Variants in SLIT1 observed in about 807,000 individuals in gnomAD.
SLIT1 encodes the protein slit homolog 1 protein.
In SLIT1, 66 loss-of-function variants were observed where a neutral mutation model predicts 186.1. The observed-to-expected ratio is 0.35, with a 90% confidence interval of 0.29 to 0.44. SLIT1 has a LOEUF of 0.44. Among genes scored for constraint, SLIT1 ranks in the 20% least tolerant of loss-of-function variants. The pLI is 1.00. For missense variants in SLIT1, 1,638 were observed against 2,037.4 expected (o/e 0.80, Z 3.77); for synonymous variants, 761 against 833.8 (o/e 0.91, Z 1.50).
At chr10:97,145,094 T>A (rs1849802921) in intron 4 of SLIT1, among the ~76,000 whole-genome samples, 1 of 152,114 alleles carries the variant, frequency 6.6e-6, no homozygotes, top group African/African-American at 2.4e-5. Context: ...TGTGGGGGCA[T>A]GTACAGTATT....
intron 24 of SLIT1, 26 bp from the exon 25 acceptor site, chr10:97,030,854 C>T (rs2134608791): frequency 6.2e-7 from 1 of 1,604,796 alleles, no homozygotes; most frequent in Non-Finnish European, 8.5e-7. Flanking sequence ...GCTGCTGGTG[C>T]CTTATCCAGG....
chr10:97,079,511 A>G (rs975073653), intron 4 of SLIT1, among the ~76,000 whole-genome samples: 14 of 152,386 alleles, frequency 9.2e-5, no homozygotes, highest in Non-Finnish European at 1.8e-4. Flanking sequence ...AACAAATGCC[A>G]GTGCCCTCCC....
At chr10:97,085,356 T>C (rs1472469967) in intron 4 of SLIT1, among the ~76,000 whole-genome samples, 2 of 152,142 alleles carry the variant, frequency 1.3e-5, no homozygotes, top group Non-Finnish European at 2.9e-5. Context: ...TCCTAACTAC[T>C]GTACCCATGC....
In SLIT1 at chr10:97,053,594, T is replaced by A. The variant is rs151338318; in HGVS notation, c.1301+2727A>T. On this transcript the variant is annotated intron_variant, in intron 13 of 36. Coordinates refer to ENST00000266058, the MANE Select transcript of SLIT1 (RefSeq NM_003061.3). Reference sequence around the variant, plus strand: ...TGCCTGGCATAGACAGGGGCAGGGATTACAGCGACAACAATGGACACAATA... The same window carrying A: ...TGCCTGGCATAGACAGGGGCAGGGAATACAGCGACAACAATGGACACAATA... Among the ~76,000 whole-genome samples, 26 of 152,216 alleles carry A rather than the reference T, an allele frequency of 1.7e-4. No homozygotes were observed. The East Asian group carries it at 4.4e-3, about 26-fold the overall frequency.
chr10:97,104,220 AAGG>A (rs1298341493), intron 4 of SLIT1, among the ~76,000 whole-genome samples: 1 of 152,052 alleles, frequency 6.6e-6, no homozygotes, highest in Non-Finnish European at 1.5e-5. Flanking sequence ...TGTCTGGGAG[AAGG>A]AGTATTCTAG....
At chr10:97,066,603 C>T (rs1345796661) in intron 4 of SLIT1, among the ~76,000 whole-genome samples, 1 of 152,098 alleles carries the variant, frequency 6.6e-6, no homozygotes, top group African/African-American at 2.4e-5. Context: ...CTCCATTCTC[C>T]CTCTCCTTCA....
intron 4 of SLIT1, among the ~76,000 whole-genome samples, chr10:97,077,286 A>G (rs545460402): frequency 9.5e-4 from 145 of 151,954 alleles, no homozygotes; most frequent in Non-Finnish European, 1.9e-3. Flanking sequence ...AAAATCACAC[A>G]GGACAGGATA....
At chr10:97,158,930 G>A (rs1164627765) in intron 3 of SLIT1, among the ~76,000 whole-genome samples, 1 of 151,796 alleles carries the variant, frequency 6.6e-6, no homozygotes. Flanking sequence ...CCAACACTTG[G>A]GGAGGCTGAA....
chr10:97,082,154 C>T (rs111723995), intron 4 of SLIT1, among the ~76,000 whole-genome samples: 59 of 152,338 alleles, frequency 3.9e-4, no homozygotes, highest in African/African-American at 1.2e-3. Context: ...TCAGACCTCC[C>T]CGCTGCCTGC....
intron 13 of SLIT1, among the ~76,000 whole-genome samples, chr10:97,054,986 G>T (rs1848823704): frequency 6.6e-6 from 1 of 152,216 alleles, no homozygotes; most frequent in Admixed American, 6.5e-5. Context: ...GGGAGGCCGA[G>T]GCAGGTGGAT....
chr10:96,998,503 G>GGCTTCCCTT lies in SLIT1; in HGVS notation c.*2608_*2609insAAGGGAAGC. On this transcript the variant is annotated 3_prime_UTR_variant, in exon 37 of 37. Transcript: ENST00000266058. ...TGCCTAAAATGCAGAGCGAACTAGG[G>GGCTTCCCTT]GTCTTCACAAAGGGGGACAAGATGT... The GGCTTCCCTT allele has an allele frequency of 6.6e-6, 1 of 152,196 alleles. No individual in the cohort carries two copies. 9.4% of individuals were successfully genotyped at this position (152,196 alleles called of 1,614,324 possible).
intron 4 of SLIT1, among the ~76,000 whole-genome samples, chr10:97,119,913 G>GTA (rs55656011): frequency 0.015 from 833 of 56,456 alleles, 38 homozygotes; most frequent in East Asian, 0.042. Context: ...TTCCAAAGGG[G>GTA]TATATATATA....
intron 22 of SLIT1, among the ~76,000 whole-genome samples, chr10:97,035,492 GC>G (rs1253767151): frequency 1.3e-5 from 2 of 152,080 alleles, no homozygotes; most frequent in African/African-American, 4.8e-5. Flanking sequence ...CATCTGATCC[GC>G]CCCTGGCTGG....
At chr10:97,135,291 G>C (rs1849692026) in intron 4 of SLIT1, among the ~76,000 whole-genome samples, 2 of 152,030 alleles carry the variant, frequency 1.3e-5, no homozygotes, top group East Asian at 1.9e-4. Flanking sequence ...CATTTAACAT[G>C]GTTCTAAAAT....
intron 1 of SLIT1, among the ~76,000 whole-genome samples, chr10:97,179,762 T>C (rs1187146752): frequency 1.3e-5 from 2 of 151,220 alleles, no homozygotes; most frequent in Non-Finnish European, 2.9e-5. Context: ...GAGGGGGTCA[T>C]GAGCTCCGTC....
chr10:97,166,729 G>C (rs1258057154), intron 1 of SLIT1, among the ~76,000 whole-genome samples: 1 of 152,142 alleles, frequency 6.6e-6, no homozygotes, highest in Non-Finnish European at 1.5e-5. Context: ...TTCTAGGGTT[G>C]CTTCCACTAA....
At chr10:97,020,575 C>T (rs930687590) in intron 26 of SLIT1, among the ~76,000 whole-genome samples, 8 of 152,246 alleles carry the variant, frequency 5.3e-5, no homozygotes, top group African/African-American at 1.9e-4. Context: ...TCCTCATTAA[C>T]CTACAGCTGT....
chr10:97,130,406 T>C (rs1465593946), intron 4 of SLIT1, among the ~76,000 whole-genome samples: 3 of 152,240 alleles, frequency 2.0e-5, no homozygotes, highest in Non-Finnish European at 1.5e-5. Context: ...GTATTTAATG[T>C]GGAATATTAT....
chr10:97,163,983 A>G (rs543565135), intron 2 of SLIT1, among the ~76,000 whole-genome samples: 1 of 152,270 alleles, frequency 6.6e-6, no homozygotes, highest in African/African-American at 2.4e-5. Context: ...TTGGCAGACA[A>G]CACCCTGTCT....
Sources: gnomAD v4.1 joint callset for allele counts (sites outside exome capture counted in the v4.1 genomes callset) on GRCh38, gnomAD v4.1.1 for gene constraint, MANE v1.5 for transcripts, NCBI Gene and HGNC (gene_info 2026-07-23, HGNC 2026-07-21) for gene names.